MAOA: variants seen among roughly 807,000 people sequenced by gnomAD.
MAOA encodes amine oxidase [flavin-containing] A.
Under a neutral mutation model 42.0 loss-of-function variants are expected in MAOA, and 6 were observed. The ratio of observed to expected loss-of-function variants is 0.14; its 90% CI spans 0.08 to 0.28. MAOA has a LOEUF of 0.28. Ranked by LOEUF, MAOA falls within the 10% of genes least tolerant of loss-of-function variation. The pLI is 1.00. For missense variants in MAOA, 262 were observed against 422.3 expected (o/e 0.62, Z 3.33); for synonymous variants, 140 against 154.0 (o/e 0.91, Z 0.67).
intron 3 of MAOA, among the ~76,000 whole-genome samples, chrX:43,708,897 G>A (rs1016089478): frequency 1.8e-5 from 2 of 109,858 alleles, no homozygotes; most frequent in Non-Finnish European, 3.8e-5. Flanking sequence ...GTCGTGCTCT[G>A]TCGCTCAGGC....
chrX:43,723,168 C>A (rs143768223), intron 5 of MAOA, among the ~76,000 whole-genome samples: 1 of 111,586 alleles, frequency 9.0e-6, no homozygotes, highest in Non-Finnish European at 1.9e-5. Context: ...CTTGGCTATG[C>A]GGGCTCTTTT....
intron 1 of MAOA, among the ~76,000 whole-genome samples, chrX:43,671,569 G>C (rs1472331804): frequency 9.3e-6 from 1 of 106,993 alleles, no homozygotes; most frequent in Non-Finnish European, 1.9e-5. Context: ...GGTTTTTATG[G>C]TTTTAGGTCT....
At chrX:43,714,771 A>AGT (rs1164191994) in intron 5 of MAOA, among the ~76,000 whole-genome samples, 6 of 66,260 alleles carry the variant, frequency 9.1e-5, no homozygotes, top group East Asian at 6.1e-4. Flanking sequence ...AACATTAGGT[A>AGT]GTGTGTGTGT....
At chrX:43,687,074 T>C (rs1301288770) in intron 2 of MAOA, among the ~76,000 whole-genome samples, 2 of 111,336 alleles carry the variant, frequency 1.8e-5, no homozygotes, top group Non-Finnish European at 3.8e-5. Flanking sequence ...ATTAATAAAG[T>C]TGAAATGCCT....
chrX:43,744,572 G>A lies in MAOA; in HGVS notation c.*59G>A. On this transcript the variant is annotated 3_prime_UTR_variant, in exon 15 of 15. Transcript: ENST00000338702. ...TCAATACCACCAAGAGGAAAATATT[G>A]ACAAGTTTAAAGGCTGTGTCATTGG... 2.6e-6 allele frequency: 3 copies of A among 1,156,836 alleles called. No homozygotes were observed. The highest frequency in any genetic ancestry group is 3.5e-6 in the Non-Finnish European group (3 of 846,477).
intron 3 of MAOA, among the ~76,000 whole-genome samples, chrX:43,702,683 T>C (rs1210295353): frequency 8.9e-6 from 1 of 112,187 alleles, no homozygotes; most frequent in African/African-American, 3.2e-5. Context: ...AAATTTCTCA[T>C]GTCAGGTTTT....
chrX:43,714,832 C>A (rs1293417416), intron 5 of MAOA, among the ~76,000 whole-genome samples: 1 of 108,486 alleles, frequency 9.2e-6, no homozygotes. Flanking sequence ...AATTTTCCAG[C>A]TATTTCTCTC....
intron 1 of MAOA, among the ~76,000 whole-genome samples, chrX:43,656,895 T>C (rs902323992): frequency 2.7e-5 from 3 of 109,888 alleles, no homozygotes; most frequent in African/African-American, 1.0e-4. Context: ...TGATTTCATA[T>C]CCTTTGCCCT....
At chrX:43,726,492 G>A (rs1031854493) in intron 5 of MAOA, among the ~76,000 whole-genome samples, 1 of 111,816 alleles carries the variant, frequency 8.9e-6, no homozygotes, top group Non-Finnish European at 1.9e-5. Flanking sequence ...TCTGCTTCAC[G>A]AAGTTCTTGT....
In MAOA at chrX:43,693,383, G is replaced by C; in HGVS notation, c.261G>C (p.Glu87Asp). The change falls in exon 3 of 15, where the codon GAG (glutamate) becomes GAC (aspartate). Residue 87 changes from glutamate to aspartate, a missense_variant. Glu to Asp is a conservative substitution (Grantham distance 45). This residue lies in a region of MAOA where 141 missense variants were observed against 195.6 expected (regional missense o/e 0.72). Coordinates refer to ENST00000338702, the MANE Select transcript of MAOA (RefSeq NM_000240.4). Reference sequence around the variant, plus strand: ...GCTTGTCTAAGGAGCTGGGCATAGAGACTTACAAAGTGAATGTCAGTGAGC... The same window carrying C: ...GCTTGTCTAAGGAGCTGGGCATAGACACTTACAAAGTGAATGTCAGTGAGC... ...ILRLSKELGI[E>D]TYKVNVSERL... 1 of 1,210,990 alleles carries C rather than the reference G, an allele frequency of 8.3e-7. No individual in the cohort carries two copies. Among genetic ancestry groups the C allele is most frequent in the Non-Finnish European group, 1.1e-6 (1 of 894,808 alleles).
intron 1 of MAOA, among the ~76,000 whole-genome samples, chrX:43,667,045 C>T (rs1159863760): frequency 2.7e-5 from 3 of 109,119 alleles, no homozygotes; most frequent in South Asian, 4.2e-4. Flanking sequence ...ATGTAAATGA[C>T]GAGTCAATGG....
intron 12 of MAOA, among the ~76,000 whole-genome samples, chrX:43,742,552 C>T (rs960305350): frequency 8.9e-6 from 1 of 112,675 alleles, no homozygotes; most frequent in African/African-American, 3.2e-5. Context: ...AAGCCCCTTG[C>T]TCCATGGGAG....
intron 1 of MAOA, among the ~76,000 whole-genome samples, chrX:43,675,211 C>A (rs921464469): frequency 3.6e-5 from 4 of 111,606 alleles, no homozygotes; most frequent in Admixed American, 1.9e-4. Flanking sequence ...TCACTGATAC[C>A]CTTTCTTCCA....
chrX:43,675,224 T>A (rs1165627365), intron 1 of MAOA, among the ~76,000 whole-genome samples: 1 of 112,160 alleles, frequency 8.9e-6, no homozygotes, highest in African/African-American at 3.2e-5. Flanking sequence ...TTCTTCCAGC[T>A]GATCGCATCG....
rs181884361 is a variant in MAOA at position 43,726,194 on chromosome X, A to G, written c.504-1979A>G. Reference sequence around the variant, plus strand: ...GGAATATCTTTGTGATGTTTTCTGTATTTCCTGAATTTGAATGTTGGCCTG... The same window carrying G: ...GGAATATCTTTGTGATGTTTTCTGTGTTTCCTGAATTTGAATGTTGGCCTG... On this transcript the variant is annotated intron_variant, in intron 5 of 14. Transcript: ENST00000338702. Among the ~76,000 whole-genome samples the G allele has an allele frequency of 9.9e-5, 11 of 111,283 alleles. No homozygotes were observed. In the South Asian group the frequency reaches 1.1e-3, roughly 12 times the overall value.
intron 10 of MAOA, among the ~76,000 whole-genome samples, chrX:43,739,645 T>A (rs1485732629): frequency 8.9e-6 from 1 of 112,272 alleles, no homozygotes; most frequent in Admixed American, 9.5e-5. Context: ...CCTGCATAAT[T>A]TTGTCTCTTC....
At chrX:43,739,979 A>T (rs571499956) in intron 10 of MAOA, among the ~76,000 whole-genome samples, 4 of 112,312 alleles carry the variant, frequency 3.6e-5, no homozygotes, top group African/African-American at 1.3e-4. Context: ...ACAACCACTA[A>T]CTTTTTCAGA....
intron 3 of MAOA, among the ~76,000 whole-genome samples, chrX:43,706,163 T>G (rs982157549): frequency 8.9e-6 from 1 of 112,128 alleles, no homozygotes; most frequent in African/African-American, 3.2e-5. Context: ...GGTTGCATGC[T>G]CTGTGAATAT....
rs753890989 is a variant in MAOA, at chrX:43,656,796, G to A, written c.73+382G>A. Among the ~76,000 whole-genome samples, 5 of 110,335 alleles carry A rather than the reference G, an allele frequency of 4.5e-5. No individual in the cohort carries two copies. The East Asian group carries it at 1.4e-3, about 31-fold the overall frequency. Reference sequence around the variant, plus strand: ...GGGGAGTTTCAATAACTCTCTTGAGGTCGAATCACCTAGCTTGTAAGTGGC... The same window carrying A: ...GGGGAGTTTCAATAACTCTCTTGAGATCGAATCACCTAGCTTGTAAGTGGC... On this transcript the variant is annotated intron_variant, in intron 1 of 14. Transcript: ENST00000338702.
Sources: gnomAD v4.1 joint callset for allele counts (sites outside exome capture counted in the v4.1 genomes callset) on GRCh38, gnomAD v4.1.1 for gene constraint, gnomAD v4.1.1 regional missense constraint, MANE v1.5 for transcripts, NCBI Gene and HGNC (gene_info 2026-07-23, HGNC 2026-07-21) for gene names.